PITPNM3: variants seen among roughly 807,000 people sequenced by gnomAD.
The protein encoded by PITPNM3 is PITPNM family member 3.
Under a neutral mutation model 102.0 loss-of-function variants are expected in PITPNM3, and 26 were observed. The observed-to-expected ratio is 0.25, with a 90% CI of 0.19 to 0.35. PITPNM3 has a LOEUF of 0.35. Among genes scored for constraint, PITPNM3 ranks in the 10% least tolerant of loss-of-function variants. The pLI, the probability that PITPNM3 is intolerant of heterozygous loss-of-function variation, is 1.00. For missense variants in PITPNM3, 1,083 were observed against 1,346.1 expected, an observed-to-expected ratio of 0.80 and a Z score of 3.06; for synonymous variants, 578 against 558.6, an observed-to-expected ratio of 1.03 and a Z score of -0.49.
Position 6,508,509 on chromosome 17 carries a change from G to A in PITPNM3, c.227-4935C>T, listed in dbSNP as rs116497137. On this transcript the variant is annotated intron_variant, in intron 3 of 19. Coordinates refer to ENST00000262483, the MANE Select transcript of PITPNM3 (RefSeq NM_031220.4). ...GGCTTCCTAGAGCAGTGGCTTCCCA[G>A]GACGGCTCAGGCAGCCTGGGTAGTG... Among the ~76,000 whole-genome samples the A allele has an allele frequency of 5.0e-3, 755 of 152,306 alleles. 6 individuals are homozygous for A. The highest frequency in any genetic ancestry group is 0.017 in the African/African-American group (694 of 41,566).
chr17:6,547,080 T>C (rs1461062155), intron 1 of PITPNM3, among the ~76,000 whole-genome samples: 1 of 152,014 alleles, frequency 6.6e-6, no homozygotes, highest in Non-Finnish European at 1.5e-5. Context: ...CTGCTGCCTG[T>C]CGTCTTCACG....
Position 6,478,666 on chromosome 17 carries a change from G to A in PITPNM3, c.658C>T (p.Pro220Ser). 2 of 1,613,054 alleles carry A rather than the reference G, an allele frequency of 1.2e-6. No individual in the cohort carries two copies. Among genetic ancestry groups the A allele is most frequent in the Non-Finnish European group, 1.7e-6 (2 of 1,179,548 alleles). ...TGCGGGGAGGAGATGGCCAACAGGGGAAGGGCGGCCAGAGGGACGTGGTCC... is the reference window on the plus strand; with the variant it reads ...TGCGGGGAGGAGATGGCCAACAGGGAAAGGGCGGCCAGAGGGACGTGGTCC... ...SQDHVPLAAL[P>S]LLAISSPQYQ... The change falls in exon 7 of 20, where the codon CCC becomes TCC. Residue 220 changes from proline to serine, a missense_variant. Physicochemically the swap from Pro to Ser is moderately conservative, Grantham distance 74 (BLOSUM62 -1). Transcript: ENST00000262483. The surrounding 1 kb of genome is among the most constrained non-coding windows in gnomAD (Gnocchi z 4.4).
chr17:6,461,473 G>C lies in PITPNM3; in HGVS notation c.2390C>G (p.Ser797Cys), dbSNP rs1346792764. Reference sequence around the variant, plus strand: ...CATGCCCTGTGGGAAGTTGTGCTGGGACAGCCACGACACCACCCGCTGCTT... The same window carrying C: ...CATGCCCTGTGGGAAGTTGTGCTGGCACAGCCACGACACCACCCGCTGCTT... ...MQKQRVVSWL[S>C]QHNFPQGMIF... Residue 797 changes from serine (S) to cysteine (C), a missense_variant, in exon 18 of 20, where the codon TCC becomes TGC. Ser to Cys is a moderately radical substitution (Grantham distance 112). Around this residue, in one of 5 missense-constraint regions of PITPNM3, gnomAD observed 410 missense variants for 638.4 expected, o/e 0.64. Transcript: ENST00000262483. 3.1e-6 allele frequency: 5 copies of C among 1,614,066 alleles called. No homozygotes were observed. The highest frequency in any genetic ancestry group is 4.2e-6 in the Non-Finnish European group (5 of 1,180,036).
chr17:6,472,617 C>CTCCA lies in PITPNM3; in HGVS notation c.1429+36_1429+39dup. The CTCCA allele has an allele frequency of 6.3e-7, 1 of 1,595,048 alleles. No homozygotes were observed. Among genetic ancestry groups the CTCCA allele is most frequent in the Non-Finnish European group, 8.5e-7 (1 of 1,171,752 alleles). On this transcript the variant is annotated intron_variant, in intron 11 of 19. Coordinates refer to ENST00000262483, the MANE Select transcript of PITPNM3 (RefSeq NM_031220.4). This position sits in a 1 kb window ranked among gnomAD's most constrained non-coding sequence, Gnocchi z 4.1. ...GGGGTTGAATGGGCTGGGGCCCCAC[C>CTCCA]TCCAGCTCAGCACACTCTCTCCCAC... is the stretch of plus-strand genomic sequence containing the variant.
chr17:6,556,537 C>T lies in PITPNM3; in HGVS notation c.-131G>A. 1 of 558,844 alleles carries T rather than the reference C, an allele frequency of 1.8e-6. No individual in the cohort carries two copies. Among genetic ancestry groups the T allele is most frequent in the Non-Finnish European group, 2.3e-6 (1 of 441,166 alleles). 34.6% of individuals were successfully genotyped at this position (558,844 alleles called of 1,614,324 possible). A position where few individuals can be genotyped will look rare whatever the true frequency, so the allele number is the denominator to read the frequency against. ...CCCCCGCCCCGCTCGCCTCGGCTGC[C>T]GCCACCGCAGCCGCCGCCGCCTCGC... On this transcript the variant is annotated 5_prime_UTR_variant, in exon 1 of 20. Coordinates refer to ENST00000262483, the MANE Select transcript of PITPNM3 (RefSeq NM_031220.4). This position sits in a 1 kb window ranked among gnomAD's most constrained non-coding sequence, Gnocchi z 5.2.
intron 2 of PITPNM3, among the ~76,000 whole-genome samples, chr17:6,526,165 T>C (rs1257590128): frequency 1.3e-5 from 2 of 152,182 alleles, no homozygotes; most frequent in African/African-American, 4.8e-5. Context: ...CTCAACCCTG[T>C]CTCTATCCTT....
chr17:6,491,101 G>A (rs1305419927), intron 4 of PITPNM3, among the ~76,000 whole-genome samples: 4 of 93,642 alleles, frequency 4.3e-5, no homozygotes, highest in Non-Finnish European at 8.4e-5. Context: ...GGAAGGGAGG[G>A]GAGGGGAGGG....
intron 4 of PITPNM3, among the ~76,000 whole-genome samples, chr17:6,500,032 G>A (rs560275277): frequency 6.6e-4 from 100 of 152,236 alleles, no homozygotes; most frequent in Non-Finnish European, 1.2e-3. Context: ...CACCTGGCAC[G>A]ACAGTATGGT....
chr17:6,465,566 T>C (rs1490436982), intron 14 of PITPNM3, among the ~76,000 whole-genome samples: 1 of 152,216 alleles, frequency 6.6e-6, no homozygotes, highest in Non-Finnish European at 1.5e-5. Context: ...AAGCCTCGTG[T>C]TCCCAGCACC....
chr17:6,461,677 A>T, intron 17 of PITPNM3, 121 bp from the exon 18 acceptor site: 2 of 1,125,886 alleles, frequency 1.8e-6, no homozygotes, highest in Non-Finnish European at 2.7e-6. Flanking sequence ...GAGGCGTGCT[A>T]GGGAGAACAA....
intron 1 of PITPNM3, among the ~76,000 whole-genome samples, chr17:6,541,288 T>A (rs998988848): frequency 6.9e-6 from 1 of 144,404 alleles, no homozygotes; most frequent in Non-Finnish European, 1.5e-5. Context: ...ATGCTAAGAG[T>A]GTGTGTGTGT....
rs1304088179 is a variant in PITPNM3 at position 6,454,453 on chromosome 17, A to G, written c.*885T>C. 2 of 152,294 alleles carry G rather than the reference A, an allele frequency of 1.3e-5. No homozygotes were observed. Among genetic ancestry groups the G allele is most frequent in the Non-Finnish European group, 2.9e-5 (2 of 68,098 alleles). The allele number at this position is 152,294 out of a possible 1,614,324, so 9.4% of individuals were successfully genotyped here. The stretch of plus-strand genomic sequence containing the variant: ...GGACCCTTAGGCCTGAAGAGCCTCA[A>G]TGGGCCAAACTGCAGGACATCTTGG... On this transcript the variant is annotated 3_prime_UTR_variant, in exon 20 of 20. Transcript: ENST00000262483.
rs1913851281 is a variant in PITPNM3 at position 6,451,873 on chromosome 17, A to AGCC, written c.*3464_*3465insGGC. On this transcript the variant is annotated 3_prime_UTR_variant, in exon 20 of 20. Coordinates refer to ENST00000262483, the MANE Select transcript of PITPNM3 (RefSeq NM_031220.4). ...GGTTTCCAGGGCACTTGGCACCCAA[A>AGCC]CCCCCCCCCCCCGCCCGCCGATGGG... 4.6e-5 allele frequency: 2 copies of AGCC among 43,938 alleles called. No individual in the cohort carries two copies. Among genetic ancestry groups the AGCC allele is most frequent in the African/African-American group, 8.4e-5 (1 of 11,856 alleles). 2.7% of individuals were successfully genotyped at this position (43,938 alleles called of 1,614,324 possible). A position where few individuals can be genotyped will look rare whatever the true frequency, so the allele number is the denominator to read the frequency against.
chr17:6,536,543 G>A (rs901036877), intron 2 of PITPNM3, among the ~76,000 whole-genome samples: 1 of 152,162 alleles, frequency 6.6e-6, no homozygotes, highest in Non-Finnish European at 1.5e-5. Flanking sequence ...CCCGCCCAGA[G>A]CCAAGAATGG....
At position 6,455,403 on chromosome 17, in the gene PITPNM3, G is replaced by A; in HGVS notation, c.2860C>T (p.His954Tyr). 1 of 1,600,212 alleles carries A rather than the reference G, an allele frequency of 6.2e-7. No homozygotes were observed. The highest frequency in any genetic ancestry group is 1.7e-4 in the Middle Eastern group (1 of 6,034). ...CTGAGCGCCGGCAGCGGCCGCTCGT[G>A]GTCTTTGTCCGACTCGGGCTGGCTC... Reference protein sequence around the residue: ...AQSQPESDKDHERPLPALSWA... With the variant: ...AQSQPESDKDYERPLPALSWA... Residue 954 changes from histidine (H) to tyrosine (Y), a missense_variant, in exon 20 of 20, where the codon CAC (histidine) becomes TAC (tyrosine). Around this residue, in one of 5 missense-constraint regions of PITPNM3, gnomAD observed 208 missense variants for 178.2 expected, o/e 1.17. Coordinates refer to ENST00000262483, the MANE Select transcript of PITPNM3 (RefSeq NM_031220.4).
chr17:6,472,858 A>T lies in PITPNM3; in HGVS notation c.1259-31T>A. 6.2e-7 allele frequency: 1 copy of T among 1,611,892 alleles called. No homozygotes were observed. The highest frequency in any genetic ancestry group is 8.5e-7 in the Non-Finnish European group (1 of 1,178,826). On this transcript the variant is annotated intron_variant, in intron 10 of 19. Transcript: ENST00000262483. The surrounding 1 kb of genome is among the most constrained non-coding windows in gnomAD (Gnocchi z 4.1). ...GTGAGTGGGAAGACAGAGGGAAGCC[A>T]CTTTCTAGTACCTGCTCCCTGGGCC... is the stretch of plus-strand genomic sequence containing the variant.
Position 6,515,323 on chromosome 17 carries a change from G to A in PITPNM3, c.226+10033C>T, listed in dbSNP as rs146334284. Reference sequence around the variant, plus strand: ...TGAGGTCAGAGAATCGCTTGAACCCGGGTGGCAGAGGTTGCAGTGAGCCGA... The same window carrying A: ...TGAGGTCAGAGAATCGCTTGAACCCAGGTGGCAGAGGTTGCAGTGAGCCGA... On this transcript the variant is annotated intron_variant, in intron 3 of 19. Coordinates refer to ENST00000262483, the MANE Select transcript of PITPNM3 (RefSeq NM_031220.4). Among the ~76,000 whole-genome samples, 751 of 150,652 alleles carry A rather than the reference G, an allele frequency of 5.0e-3. 7 individuals are homozygous for A. The highest frequency in any genetic ancestry group is 0.017 in the African/African-American group (701 of 40,932).
intron 4 of PITPNM3, among the ~76,000 whole-genome samples, chr17:6,488,763 G>A (rs1036999508): frequency 6.6e-6 from 1 of 152,174 alleles, no homozygotes; most frequent in Non-Finnish European, 1.5e-5. Context: ...CTGGCAGGGG[G>A]TCCTAAGGGG....
At position 6,472,023 on chromosome 17, in the gene PITPNM3, A is replaced by C. The variant is rs925877297; in HGVS notation, c.1429+634T>G. Among the ~76,000 whole-genome samples the C allele has an allele frequency of 6.6e-6, 1 of 152,184 alleles. No homozygotes were observed. The highest frequency in any genetic ancestry group is 1.5e-5 in the Non-Finnish European group (1 of 68,020). The stretch of plus-strand genomic sequence containing the variant: ...CAAACCTCTGAGCAGGCTTAGGCTA[A>C]ATTTCCTCAAGTAGGGCGTGGAGCC... On this transcript the variant is annotated intron_variant, in intron 11 of 19. Coordinates refer to ENST00000262483, the MANE Select transcript of PITPNM3 (RefSeq NM_031220.4). This position sits in a 1 kb window ranked among gnomAD's most constrained non-coding sequence, Gnocchi z 4.1.
Sources: gnomAD v4.1 joint callset for allele counts (sites outside exome capture counted in the v4.1 genomes callset) on GRCh38, gnomAD v4.1.1 for gene constraint, gnomAD v4.1.1 regional missense constraint, Gnocchi (gnomAD v3.1) non-coding constraint, MANE v1.5 for transcripts, NCBI Gene and HGNC (gene_info 2026-07-23, HGNC 2026-07-21) for gene names.